The following CBLB variants were observed in gnomAD, a reference collection of about 807,000 sequenced individuals.
CBLB encodes the protein E3 ubiquitin-protein ligase CBL-B.
In CBLB, 31 loss-of-function variants were observed where a neutral mutation model predicts 104.9. That is an observed-to-expected ratio of 0.30 (90% CI 0.22 to 0.40). The LOEUF (loss-of-function observed/expected upper bound fraction) is 0.40, where lower values mean the gene tolerates loss of function less well. Among genes scored for constraint, CBLB ranks in the 10% least tolerant of loss-of-function variants. The probability of loss-of-function intolerance (pLI) is 1.00; values close to 1 mark genes in which losing one functional copy is unlikely to be tolerated. For synonymous variants in CBLB, 440 were observed against 422.6 expected, an observed-to-expected ratio of 1.04 and a Z score of -0.51; for missense variants, 1,062 against 1,214.6, an observed-to-expected ratio of 0.87 and a Z score of 1.87.
At chr3:105,672,725 T>G (rs553129586) in intron 17 of CBLB, 8 of 152,248 alleles carry the variant, frequency 5.3e-5, no homozygotes, top group African/African-American at 1.9e-4. Flanking sequence ...TACTACTGCC[T>G]GTGATTTATA....
chr3:105,815,220 C>A (rs192220063), intron 3 of CBLB, among the ~76,000 whole-genome samples: 3 of 152,150 alleles, frequency 2.0e-5, no homozygotes, highest in Admixed American at 6.5e-5. Context: ...AGATTTAAAT[C>A]TACAAAAAAT....
chr3:105,673,574 G>T (rs1215996457), intron 17 of CBLB: 2 of 152,078 alleles, frequency 1.3e-5, no homozygotes, highest in Non-Finnish European at 2.9e-5. Flanking sequence ...TGCTAAAAAA[G>T]GTTTGAAGAG....
chr3:105,829,666 CAAAAAAAAAAA>C (rs71627689), intron 3 of CBLB, among the ~76,000 whole-genome samples: 6 of 46,982 alleles, frequency 1.3e-4, no homozygotes, highest in Admixed American at 6.1e-4. Flanking sequence ...AAGACCGTCC[CAAAAAAAAAAA>C]AAAAAAAAAA....
intron 12 of CBLB, among the ~76,000 whole-genome samples, chr3:105,697,289 A>G (rs931011072): frequency 6.6e-6 from 1 of 152,036 alleles, no homozygotes; most frequent in African/African-American, 2.4e-5. Context: ...TTAGAGTAAT[A>G]TTTCTCTAAA....
At chr3:105,705,758 T>C (rs764326203) in intron 10 of CBLB, among the ~76,000 whole-genome samples, 2 of 152,200 alleles carry the variant, frequency 1.3e-5, no homozygotes, top group African/African-American at 4.8e-5. Flanking sequence ...CTCCTTCCCA[T>C]AGTATACTCT....
chr3:105,737,280 A>T, intron 7 of CBLB, 22 bp from the exon 8 acceptor site: 1 of 1,164,988 alleles, frequency 8.6e-7, no homozygotes, highest in Non-Finnish European at 1.3e-6. Flanking sequence ...CAGAAACTTT[A>T]TTACCTTAAA....
At chr3:105,736,970 A>C (rs535942776) in intron 8 of CBLB, among the ~76,000 whole-genome samples, 21 of 152,240 alleles carry the variant, frequency 1.4e-4, no homozygotes, top group African/African-American at 4.8e-4. Flanking sequence ...CTATATGGAA[A>C]GCAAGAATTT....
chr3:105,800,266 AG>A (rs2082689712), intron 3 of CBLB, among the ~76,000 whole-genome samples: 1 of 152,176 alleles, frequency 6.6e-6, no homozygotes, highest in African/African-American at 2.4e-5. Flanking sequence ...TCTCTGGGGA[AG>A]GGACATGGCT....
chr3:105,729,057 T>C (rs2074014674), intron 9 of CBLB, among the ~76,000 whole-genome samples: 1 of 152,164 alleles, frequency 6.6e-6, no homozygotes, highest in South Asian at 2.1e-4. Flanking sequence ...GGTCAGGGTT[T>C]AATATTTCCT....
intron 13 of CBLB, among the ~76,000 whole-genome samples, chr3:105,686,926 T>C (rs1363418024): frequency 2.0e-5 from 3 of 152,118 alleles, no homozygotes; most frequent in African/African-American, 4.8e-5. Flanking sequence ...ACACCTATTA[T>C]GGTTTAACTT....
chr3:105,805,509 T>C (rs2083389980), intron 3 of CBLB, among the ~76,000 whole-genome samples: 1 of 152,168 alleles, frequency 6.6e-6, no homozygotes, highest in African/African-American at 2.4e-5. Flanking sequence ...TTTTGCCATG[T>C]TGCCCAGGCT....
intron 14 of CBLB, among the ~76,000 whole-genome samples, chr3:105,682,931 T>C (rs1449427979): frequency 1.3e-5 from 2 of 152,200 alleles, no homozygotes; most frequent in African/African-American, 2.4e-5. Flanking sequence ...TCTATAACAA[T>C]CAACTGACAA....
intron 13 of CBLB, among the ~76,000 whole-genome samples, chr3:105,691,328 T>G (rs1208391949): frequency 2.6e-5 from 4 of 152,224 alleles, no homozygotes; most frequent in African/African-American, 9.6e-5. Flanking sequence ...GTGAAACAAT[T>G]GCACTGTTTC....
chr3:105,678,193 C>G (rs1433621480), intron 17 of CBLB, among the ~76,000 whole-genome samples: 2 of 152,162 alleles, frequency 1.3e-5, no homozygotes, highest in Non-Finnish European at 2.9e-5. Context: ...TGGACAATCT[C>G]TACAGCATCA....
At chr3:105,857,432 T>C (rs1409871085) in intron 2 of CBLB, among the ~76,000 whole-genome samples, 1 of 152,186 alleles carries the variant, frequency 6.6e-6, no homozygotes, top group East Asian at 1.9e-4. Context: ...CGTAGTTCTC[T>C]ATAATTAACT....
intron 10 of CBLB, among the ~76,000 whole-genome samples, chr3:105,712,699 G>A (rs151101931): frequency 5.3e-5 from 8 of 152,292 alleles, no homozygotes; most frequent in Admixed American, 5.2e-4. Context: ...CAGCTGACAT[G>A]TTGACAAGTT....
intron 13 of CBLB, 48 bp downstream of exon 13, chr3:105,693,446 C>T (rs2067968031): frequency 1.7e-6 from 2 of 1,145,384 alleles, no homozygotes; most frequent in Non-Finnish European, 2.6e-6. Context: ...ACCACTCTAC[C>T]ATATCTTGAT....
intron 10 of CBLB, among the ~76,000 whole-genome samples, chr3:105,713,000 T>C (rs2071321780): frequency 1.3e-5 from 2 of 152,288 alleles, no homozygotes; most frequent in Non-Finnish European, 2.9e-5. Context: ...CCAGGTGTGA[T>C]GGCTCACACC....
intron 3 of CBLB, among the ~76,000 whole-genome samples, chr3:105,799,765 G>A (rs1347762421): frequency 6.6e-6 from 1 of 152,028 alleles, no homozygotes; most frequent in African/African-American, 2.4e-5. Flanking sequence ...TCTAACCTAA[G>A]AAAATTTCAG....
Sources: gnomAD v4.1 joint callset for allele counts (sites outside exome capture counted in the v4.1 genomes callset) on GRCh38, gnomAD v4.1.1 for gene constraint, MANE v1.5 for transcripts, NCBI Gene and HGNC (gene_info 2026-07-23, HGNC 2026-07-21) for gene names.